The following MTUS1 variants were observed in gnomAD, a reference collection of about 807,000 sequenced individuals.
The protein encoded by MTUS1 is microtubule associated scaffold protein 1.
MTUS1 carries 109 observed loss-of-function variants against 120.8 expected under a neutral mutation model. The observed-to-expected ratio is 0.90, with a 90% CI of 0.77 to 1.06. The LOEUF (loss-of-function observed/expected upper bound fraction) is 1.06. Among genes scored for constraint, MTUS1 ranks in the 50% least tolerant of loss-of-function variants. The pLI is 0.00. For missense variants in MTUS1, 2,210 were observed against 1,486.3 expected, an observed-to-expected ratio of 1.49 and a Z score of -8.01; for synonymous variants, 737 against 550.5, an observed-to-expected ratio of 1.34 and a Z score of -4.74.
At chr8:17,682,194 C>T (rs1490566984) in intron 7 of MTUS1, among the ~76,000 whole-genome samples, 2 of 152,080 alleles carry the variant, frequency 1.3e-5, no homozygotes, top group Non-Finnish European at 2.9e-5. Flanking sequence ...AGGTGAGAAA[C>T]AGTACAAGCC....
chr8:17,713,716 A>T (rs926576347), intron 5 of MTUS1, among the ~76,000 whole-genome samples: 1 of 152,218 alleles, frequency 6.6e-6, no homozygotes, highest in African/African-American at 2.4e-5. Flanking sequence ...CTGATAAAAT[A>T]TAAAATCAGG....
chr8:17,723,653 T>G lies in MTUS1; in HGVS notation c.2449+19A>C. 3 of 1,600,912 alleles carry G rather than the reference T, an allele frequency of 1.9e-6. No individual in the cohort carries two copies. The highest frequency in any genetic ancestry group is 2.6e-6 in the Non-Finnish European group (3 of 1,168,542). ...GACTGTTTCCACAACCCCCGAAGTGTGATATAAAGTCGACTTACAATTGTT... is the reference window on the plus strand; with the variant it reads ...GACTGTTTCCACAACCCCCGAAGTGGGATATAAAGTCGACTTACAATTGTT... On this transcript the variant is annotated intron_variant, in intron 4 of 14. Coordinates refer to ENST00000693296, the MANE Select transcript of MTUS1 (RefSeq NM_001363059.2).
intron 1 of MTUS1, among the ~76,000 whole-genome samples, chr8:17,787,066 G>C (rs2051361006): frequency 6.6e-6 from 1 of 152,204 alleles, no homozygotes; most frequent in South Asian, 2.1e-4. Context: ...GACATCATAA[G>C]GGCTGGTGAG....
At chr8:17,702,406 A>C (rs1397013436) in intron 6 of MTUS1, among the ~76,000 whole-genome samples, 1 of 152,168 alleles carries the variant, frequency 6.6e-6, no homozygotes. Context: ...TGTGGCAAGA[A>C]CACTTAATGA....
At chr8:17,688,143 A>G (rs1193884211) in intron 6 of MTUS1, among the ~76,000 whole-genome samples, 1 of 152,224 alleles carries the variant, frequency 6.6e-6, no homozygotes, top group Non-Finnish European at 1.5e-5. Context: ...TCCGTGAAAC[A>G]CAAACTAAAC....
chr8:17,699,615 T>G (rs937540546), intron 6 of MTUS1, among the ~76,000 whole-genome samples: 3 of 152,250 alleles, frequency 2.0e-5, no homozygotes, highest in African/African-American at 7.2e-5. Flanking sequence ...TTTACTTGAA[T>G]TACATTAAGC....
chr8:17,776,909 G>A (rs1411037997), intron 1 of MTUS1, among the ~76,000 whole-genome samples: 1 of 151,954 alleles, frequency 6.6e-6, no homozygotes, highest in Non-Finnish European at 1.5e-5. Flanking sequence ...AGACCTAATT[G>A]TAATTGCGCT....
chr8:17,791,341 G>C (rs2051766989), intron 1 of MTUS1, among the ~76,000 whole-genome samples: 1 of 152,090 alleles, frequency 6.6e-6, no homozygotes, highest in African/African-American at 2.4e-5. Flanking sequence ...ATACAAAATT[G>C]CTTTTATATT....
In MTUS1 at chr8:17,782,746, T is replaced by G. The variant is rs190518497; in HGVS notation, c.-155+18315A>C. Among the ~76,000 whole-genome samples, 9 of 152,312 alleles carry G rather than the reference T, an allele frequency of 5.9e-5. No homozygotes were observed. The East Asian group carries it at 1.5e-3, about 26-fold the overall frequency. ...ACAAGTCTACAGTGTAAAAAATGTT[T>G]CATTCCCAGGTTTCTACTGGCAACA... On this transcript the variant is annotated intron_variant, in intron 1 of 14. Transcript: ENST00000693296.
At chr8:17,723,909 C>T in intron 3 of MTUS1, 76 bp from the exon 4 acceptor site, 1 of 1,199,878 alleles carries the variant, frequency 8.3e-7, no homozygotes. Context: ...CCTGTAAACT[C>T]AAACTTCTGC....
intron 1 of MTUS1, among the ~76,000 whole-genome samples, chr8:17,772,024 G>A (rs2050060759): frequency 6.6e-6 from 1 of 152,176 alleles, no homozygotes; most frequent in Non-Finnish European, 1.5e-5. Flanking sequence ...TGGCCTGGAT[G>A]ACTTTTAAGA....
intron 2 of MTUS1, among the ~76,000 whole-genome samples, chr8:17,750,217 AC>A (rs1422276384): frequency 6.6e-6 from 1 of 152,184 alleles, no homozygotes; most frequent in Non-Finnish European, 1.5e-5. Context: ...ACCCATGAGA[AC>A]AGCTGGAGGT....
At chr8:17,717,589 G>A (rs1289822769) in intron 4 of MTUS1, among the ~76,000 whole-genome samples, 1 of 152,078 alleles carries the variant, frequency 6.6e-6, no homozygotes, top group African/African-American at 2.4e-5. Context: ...TCAATTTACA[G>A]ACCTAATATG....
At chr8:17,790,218 C>T (rs567491405) in intron 1 of MTUS1, among the ~76,000 whole-genome samples, 6 of 151,944 alleles carry the variant, frequency 3.9e-5, no homozygotes, top group African/African-American at 1.4e-4. Flanking sequence ...CATGATGGCA[C>T]ACACCTGTAG....
At chr8:17,737,050 T>G (rs191337611) in intron 3 of MTUS1, among the ~76,000 whole-genome samples, 1 of 152,264 alleles carries the variant, frequency 6.6e-6, no homozygotes, top group African/African-American at 2.4e-5. Context: ...TTCCCCACAT[T>G]CTCCTTCACA....
chr8:17,689,572 G>T (rs1816546522), intron 6 of MTUS1, among the ~76,000 whole-genome samples: 1 of 152,056 alleles, frequency 6.6e-6, no homozygotes, highest in Non-Finnish European at 1.5e-5. Flanking sequence ...ACCTAAAATG[G>T]ACTCCTAACT....
At chr8:17,715,630 T>A (rs1322364742) in intron 5 of MTUS1, 137 bp downstream of exon 5, 4 of 942,620 alleles carry the variant, frequency 4.2e-6, no homozygotes, top group Admixed American at 5.2e-5. Context: ...TGCAAAAATG[T>A]ATTATATCTC....
At chr8:17,657,358 G>C (rs1414203471) in intron 8 of MTUS1, among the ~76,000 whole-genome samples, 31 of 151,598 alleles carry the variant, frequency 2.0e-4, no homozygotes, top group Middle Eastern at 3.4e-3. Context: ...CACGAGGTCA[G>C]GAGATCGAGA....
intron 1 of MTUS1, among the ~76,000 whole-genome samples, chr8:17,765,408 A>C (rs209563): frequency 0.26 from 39,366 of 151,874 alleles, 5,468 homozygotes; most frequent in African/African-American, 0.36. Flanking sequence ...GCAGGCAGAT[A>C]ACCTGAGGTC....
Sources: gnomAD v4.1 joint callset for allele counts (sites outside exome capture counted in the v4.1 genomes callset) on GRCh38, gnomAD v4.1.1 for gene constraint, MANE v1.5 for transcripts, NCBI Gene and HGNC (gene_info 2026-07-23, HGNC 2026-07-21) for gene names.